The following SLC8B1 variants were observed in gnomAD, a reference collection of about 807,000 sequenced individuals.
SLC8B1 encodes the protein mitochondrial sodium/calcium exchanger protein.
Under a neutral mutation model 63.4 loss-of-function variants are expected in SLC8B1, and 52 were observed. That is an observed-to-expected ratio of 0.82 (90% CI 0.66 to 1.03). SLC8B1 has a LOEUF of 1.03. Ranked by LOEUF, SLC8B1 falls within the 50% of genes least tolerant of loss-of-function variation. SLC8B1 has a pLI of 0.00. For missense variants in SLC8B1, 657 were observed against 741.7 expected (o/e 0.89, Z 1.33); for synonymous variants, 336 against 323.9 (o/e 1.04, Z -0.40).
At chr12:113,301,248 T>C (rs1371298820) in intron 15 of SLC8B1, among the ~76,000 whole-genome samples, 3 of 151,176 alleles carry the variant, frequency 2.0e-5, no homozygotes. Flanking sequence ...GTCTGGGTGG[T>C]GGGAATATGT....
rs954525948 is a variant in SLC8B1 at position 113,335,090 on chromosome 12, G to A, written c.-730C>T. ...GCCGCCGGACCGACCTTGCGCCAGC[G>A]AAGCCGCCAGTCCGGGTGCCCCGCC... On this transcript the variant is annotated 5_prime_UTR_variant, in exon 1 of 16. Coordinates refer to ENST00000680972, the MANE Select transcript of SLC8B1 (RefSeq NM_001358345.2). 1.3e-5 allele frequency: 2 copies of A among 152,432 alleles called. No individual in the cohort carries two copies. Among genetic ancestry groups the A allele is most frequent in the Admixed American group, 6.5e-5 (1 of 15,288 alleles). The allele number at this position is 152,432 out of a possible 1,614,324, so 9.4% of individuals were successfully genotyped here.
chr12:113,307,599 A>T, intron 13 of SLC8B1, 92 bp downstream of exon 13: 1 of 1,464,000 alleles, frequency 6.8e-7, no homozygotes, highest in Non-Finnish European at 9.2e-7. Context: ...CACCCTGGAC[A>T]CTCCTGCCCA....
At chr12:113,333,459 T>C (rs1169912249) in intron 1 of SLC8B1, among the ~76,000 whole-genome samples, 1 of 152,260 alleles carries the variant, frequency 6.6e-6, no homozygotes, top group Admixed American at 6.5e-5. Context: ...GCTGTTGTTC[T>C]GTGTCTTACA....
chr12:113,308,683 C>T lies in SLC8B1; in HGVS notation c.1258-839G>A, dbSNP rs180718560. ...GGGTGATCCATGTTGTGGCACACGT[C>T]GGTACTTGAAAAAACAGTGAAAGAC... On this transcript the variant is annotated intron_variant, in intron 12 of 15. Transcript: ENST00000680972. 8 of 152,208 alleles carry T rather than the reference C, an allele frequency of 5.3e-5. No individual in the cohort carries two copies. The East Asian group carries it at 1.5e-3, about 29-fold the overall frequency. 9.4% of individuals were successfully genotyped at this position (152,208 alleles called of 1,614,324 possible).
intron 14 of SLC8B1, among the ~76,000 whole-genome samples, chr12:113,306,002 T>C (rs1229021335): frequency 7.6e-6 from 1 of 132,208 alleles, no homozygotes; most frequent in Non-Finnish European, 1.5e-5. Context: ...GAAATTGCAG[T>C]GAGCCAAGAT....
rs145162237 is a variant in SLC8B1 at position 113,310,633 on chromosome 12, T to C, written c.1136-278A>G. On this transcript the variant is annotated intron_variant, in intron 11 of 15. Coordinates refer to ENST00000680972, the MANE Select transcript of SLC8B1 (RefSeq NM_001358345.2). Reference sequence around the variant, plus strand: ...ACACCACCACCCTCTTCCACCTTCATGGCAGACATCACTAATCAAGCACAA... The same window carrying C: ...ACACCACCACCCTCTTCCACCTTCACGGCAGACATCACTAATCAAGCACAA... Among the ~76,000 whole-genome samples the C allele has an allele frequency of 5.3e-3, 802 of 152,356 alleles. 9 individuals are homozygous for C. The highest frequency in any genetic ancestry group is 0.018 in the African/African-American group (761 of 41,590).
Position 113,306,526 on chromosome 12 carries a change from CGCCATCCGTGGGTA to C in SLC8B1, c.1447_1460del (p.Tyr483ValfsTer88), listed in dbSNP as rs763512424. 1.2e-6 allele frequency: 2 copies of C among 1,613,692 alleles called. No homozygotes were observed. Among genetic ancestry groups the C allele is most frequent in the Non-Finnish European group, 1.7e-6 (2 of 1,179,832 alleles). ...TGATGCCGCCAAAGCAGGCGGAGAA[CGCCATCCGTGGGTA>C]GCCCTGGCGAGCCAGTGTGAAATCC... On this transcript the variant is annotated frameshift_variant, in exon 14 of 16. Transcript: ENST00000680972. LOFTEE classifies it high-confidence loss of function.
At chr12:113,318,383 T>C (rs956228736) in intron 8 of SLC8B1, among the ~76,000 whole-genome samples, 2 of 151,918 alleles carry the variant, frequency 1.3e-5, no homozygotes, top group Non-Finnish European at 2.9e-5. Context: ...GTGTTGTATA[T>C]GTGTGCATGT....
Position 113,320,138 on chromosome 12 carries a change from C to A in SLC8B1, c.694+193G>T. Reference sequence around the variant, plus strand: ...AATACTCCCTCCCCAGCCCCCAGCTCTGCCAGGCCTCTTTGGTTATGTGAC... The same window carrying A: ...AATACTCCCTCCCCAGCCCCCAGCTATGCCAGGCCTCTTTGGTTATGTGAC... On this transcript the variant is annotated intron_variant, in intron 7 of 15. Coordinates refer to ENST00000680972, the MANE Select transcript of SLC8B1 (RefSeq NM_001358345.2). The surrounding 1 kb of genome is among the most constrained non-coding windows in gnomAD (Gnocchi z 5.3). The A allele has an allele frequency of 1.5e-6, 1 of 660,162 alleles. No homozygotes were observed. The highest frequency in any genetic ancestry group is 2.0e-5 in the South Asian group (1 of 49,548). 40.9% of individuals were successfully genotyped at this position (660,162 alleles called of 1,614,324 possible).
intron 2 of SLC8B1, among the ~76,000 whole-genome samples, chr12:113,325,596 G>T (rs370331720): frequency 2.1e-5 from 3 of 142,548 alleles, no homozygotes; most frequent in Non-Finnish European, 4.5e-5. Context: ...ACGGAGTCTC[G>T]CTCTTTCGCC....
intron 15 of SLC8B1, 30 bp downstream of exon 15, chr12:113,304,291 T>TA (rs1252763962): frequency 1.2e-6 from 2 of 1,607,824 alleles, no homozygotes; most frequent in African/African-American, 2.7e-5. Flanking sequence ...CTTGGTTATA[T>TA]ACACTTGTAA....
At position 113,318,893 on chromosome 12, in the gene SLC8B1, G is replaced by A. The variant is rs371626164; in HGVS notation, c.802+71C>T. 4.1e-5 allele frequency: 49 copies of A among 1,197,716 alleles called. 4 individuals carry two copies. The highest frequency in any genetic ancestry group is 2.0e-4 in the African/African-American group (13 of 66,580). The allele number at this position is 1,197,716 out of a possible 1,614,324, so 74.2% of individuals were successfully genotyped here. ...GGGGACAATGGCCTCAGGAGACCCT[G>A]GGCAGCACTGAAGGGCACAGAGGCC... On this transcript the variant is annotated intron_variant, in intron 8 of 15. Transcript: ENST00000680972.
chr12:113,304,698 G>T (rs1054547148), intron 14 of SLC8B1, among the ~76,000 whole-genome samples: 1 of 152,102 alleles, frequency 6.6e-6, no homozygotes, highest in South Asian at 2.1e-4. Context: ...GACCTCCTAG[G>T]CTTTGTGATT....
chr12:113,320,515 A>T lies in SLC8B1; in HGVS notation c.527-17T>A. Reference sequence around the variant, plus strand: ...CGCCAGCGCCTGGGGGGAGGAGGCCAGAGCTCAGCCACCCTGCACCCTCTC... The same window carrying T: ...CGCCAGCGCCTGGGGGGAGGAGGCCTGAGCTCAGCCACCCTGCACCCTCTC... On this transcript the variant is annotated splice_polypyrimidine_tract_variant and intron_variant, in intron 6 of 15. Coordinates refer to ENST00000680972, the MANE Select transcript of SLC8B1 (RefSeq NM_001358345.2). This position sits in a 1 kb window ranked among gnomAD's most constrained non-coding sequence, Gnocchi z 5.3. 6.2e-7 allele frequency: 1 copy of T among 1,614,020 alleles called. No individual in the cohort carries two copies. The highest frequency in any genetic ancestry group is 1.6e-4 in the Middle Eastern group (1 of 6,062).
intron 7 of SLC8B1, chr12:113,319,897 C>T (rs1206994361): frequency 5.9e-6 from 1 of 170,452 alleles, no homozygotes; most frequent in Admixed American, 5.6e-5. Context: ...TCAAGGGATC[C>T]TCCTGCCGTA....
At chr12:113,323,865 T>C (rs1956962016) in intron 2 of SLC8B1, among the ~76,000 whole-genome samples, 1 of 152,186 alleles carries the variant, frequency 6.6e-6, no homozygotes, top group Non-Finnish European at 1.5e-5. Flanking sequence ...AGATTTCTTA[T>C]CTCTGAGCCT....
At chr12:113,311,292 A>G (rs143795634) in intron 11 of SLC8B1, among the ~76,000 whole-genome samples, 133 of 152,346 alleles carry the variant, frequency 8.7e-4, no homozygotes, top group African/African-American at 2.9e-3. Context: ...TCTACTAAAA[A>G]TATAAAAATT....
intron 11 of SLC8B1, among the ~76,000 whole-genome samples, chr12:113,314,005 C>T (rs1463941950): frequency 6.6e-6 from 1 of 151,914 alleles, no homozygotes. Flanking sequence ...CAGACTACGT[C>T]TCAAAATAAA....
Position 113,315,476 on chromosome 12 carries a change from G to T in SLC8B1, c.994C>A (p.Leu332Met). 1 of 1,588,346 alleles carries T rather than the reference G, an allele frequency of 6.3e-7. No individual in the cohort carries two copies. Among genetic ancestry groups the T allele is most frequent in the Non-Finnish European group, 8.6e-7 (1 of 1,168,002 alleles). The part of the protein sequence containing the change: ...AYWKALKVFK[L>M]PVEFLLLLTV... ...AGGAGCAGCAGGAACTCCACAGGCAGCTGTCAAGGGGGCAAAAGTGGGAGG... is the reference window on the plus strand; with the variant it reads ...AGGAGCAGCAGGAACTCCACAGGCATCTGTCAAGGGGGCAAAAGTGGGAGG... Residue 332 changes from leucine (L) to methionine (M), a missense_variant and splice_region_variant, in exon 11 of 16, where the codon CTG (leucine) becomes ATG (methionine). Physicochemically the swap from Leu to Met is conservative, Grantham distance 15 (BLOSUM62 2). Transcript: ENST00000680972.
Sources: gnomAD v4.1 joint callset for allele counts (sites outside exome capture counted in the v4.1 genomes callset) on GRCh38, gnomAD v4.1.1 for gene constraint, Gnocchi (gnomAD v3.1) non-coding constraint, MANE v1.5 for transcripts, NCBI Gene and HGNC (gene_info 2026-07-23, HGNC 2026-07-21) for gene names.